The following NEO1 variants were observed in gnomAD, a reference collection of about 807,000 sequenced individuals.
The protein encoded by NEO1 is neogenin.
Under a neutral mutation model 159.7 loss-of-function variants are expected in NEO1, and 63 were observed. The observed-to-expected ratio is 0.39, with a 90% CI of 0.32 to 0.49. The LOEUF (loss-of-function observed/expected upper bound fraction) is 0.49. NEO1 is among the 20% of genes least tolerant of loss of function. The probability of loss-of-function intolerance (pLI) is 0.85; values close to 1 mark genes in which losing one functional copy is unlikely to be tolerated. For synonymous variants in NEO1, 633 were observed against 662.0 expected (o/e 0.96, Z 0.67); for missense variants, 1,615 against 1,831.0 (o/e 0.88, Z 2.15).
chr15:73,068,355 G>A (rs1050295587), intron 1 of NEO1, among the ~76,000 whole-genome samples: 2 of 151,830 alleles, frequency 1.3e-5, no homozygotes, highest in East Asian at 3.9e-4. Flanking sequence ...GGGATTACAG[G>A]TGTGCACAAC....
At chr15:73,070,657 C>G (rs1272031705) in intron 1 of NEO1, among the ~76,000 whole-genome samples, 1 of 152,132 alleles carries the variant, frequency 6.6e-6, no homozygotes, top group Admixed American at 6.5e-5. Context: ...AATCTATATA[C>G]CAGTTTTTTT....
intron 5 of NEO1, among the ~76,000 whole-genome samples, chr15:73,165,729 G>A (rs1454340787): frequency 1.3e-5 from 2 of 152,208 alleles, no homozygotes; most frequent in Non-Finnish European, 2.9e-5. Context: ...GCTCTCCACA[G>A]CAGAGAGAGG....
rs141211438 is a variant in NEO1 at position 73,127,808 on chromosome 15, G to T, written c.878+1238G>T. Among the ~76,000 whole-genome samples, 443 of 152,276 alleles carry T rather than the reference G, an allele frequency of 2.9e-3. 2 individuals are homozygous for T. Among genetic ancestry groups the T allele is most frequent in the African/African-American group, 0.01 (420 of 41,536 alleles). The stretch of plus-strand genomic sequence containing the variant: ...GTTTAGTGGGAAACATTTTAACACA[G>T]CTTTAGCTTGTACATTTATTTTAAA... On this transcript the variant is annotated intron_variant, in intron 4 of 28. Coordinates refer to ENST00000261908, the MANE Select transcript of NEO1 (RefSeq NM_002499.4).
chr15:73,279,350 G>GTTTT (rs1567679061), intron 22 of NEO1, among the ~76,000 whole-genome samples: 4 of 58,138 alleles, frequency 6.9e-5, no homozygotes, highest in Admixed American at 2.6e-4. Flanking sequence ...TTTTGGTTTT[G>GTTTT]GTTTTTTTTT....
At chr15:73,258,238 G>C (rs934993901) in intron 13 of NEO1, among the ~76,000 whole-genome samples, 1 of 152,160 alleles carries the variant, frequency 6.6e-6, no homozygotes, top group Admixed American at 6.5e-5. Context: ...TGAGCAATTG[G>C]TTGTTAAGGA....
At chr15:73,094,700 T>C (rs1036780707) in intron 1 of NEO1, among the ~76,000 whole-genome samples, 5 of 152,254 alleles carry the variant, frequency 3.3e-5, no homozygotes, top group East Asian at 1.9e-4. Context: ...ATGGTTGGGA[T>C]ATTGCTGGTT....
intron 13 of NEO1, among the ~76,000 whole-genome samples, chr15:73,256,967 A>T (rs1055010625): frequency 6.6e-6 from 1 of 151,664 alleles, no homozygotes; most frequent in South Asian, 2.1e-4. Context: ...AGGCTGAAAA[A>T]AAAAAAGTAT....
chr15:73,148,854 GTT>G (rs558373137), intron 5 of NEO1, among the ~76,000 whole-genome samples: 2 of 141,208 alleles, frequency 1.4e-5, no homozygotes, highest in Admixed American at 7.2e-5. Flanking sequence ...TTTCAAACTT[GTT>G]TTTTTTTTTT....
chr15:73,258,953 G>A, intron 14 of NEO1, 77 bp downstream of exon 14: 1 of 1,241,980 alleles, frequency 8.1e-7, no homozygotes, highest in African/African-American at 1.5e-5. Flanking sequence ...GAAAGCCACA[G>A]ACTTGGGGTG....
intron 16 of NEO1, among the ~76,000 whole-genome samples, chr15:73,266,775 A>G (rs1262568800): frequency 1.3e-5 from 2 of 152,234 alleles, no homozygotes; most frequent in South Asian, 2.1e-4. Flanking sequence ...GACGGTGGCA[A>G]TAAATGCATG....
intron 3 of NEO1, among the ~76,000 whole-genome samples, chr15:73,125,070 A>G (rs1415819860): frequency 3.3e-5 from 5 of 152,212 alleles, no homozygotes; most frequent in African/African-American, 9.7e-5. Context: ...CAAAATCTGA[A>G]TCCAAGAAAA....
Position 73,289,243 on chromosome 15 carries a change from G to A in NEO1, c.3742+5G>A. ...TTGACTCCCAGCCACCCCAGCGTAA[G>A]TAGAAGCATCTCTTTTCCTCAGTGC... On this transcript the variant is annotated splice_donor_5th_base_variant and intron_variant, in intron 25 of 28. Coordinates refer to ENST00000261908, the MANE Select transcript of NEO1 (RefSeq NM_002499.4). The A allele has an allele frequency of 6.2e-7, 1 of 1,613,484 alleles. No individual in the cohort carries two copies. Among genetic ancestry groups the A allele is most frequent in the Non-Finnish European group, 8.5e-7 (1 of 1,179,486 alleles).
At chr15:73,158,177 T>A (rs899536505) in intron 5 of NEO1, among the ~76,000 whole-genome samples, 5 of 146,098 alleles carry the variant, frequency 3.4e-5, no homozygotes, top group African/African-American at 1.2e-4. Flanking sequence ...ATCGTCCTGC[T>A]GCACTCCAGC....
intron 1 of NEO1, among the ~76,000 whole-genome samples, chr15:73,090,280 C>T (rs1342580956): frequency 3.3e-5 from 5 of 151,998 alleles, no homozygotes; most frequent in East Asian, 3.8e-4. Context: ...CTGTGGCCTC[C>T]GTCTCCTGGG....
rs188678850 is a variant in NEO1 at position 73,122,846 on chromosome 15, G to A, written c.724+46G>A. ...CTGATGGTTTTATGTTTATGAATGG[G>A]TAAACATTGTTCTGTTAGAATTTTT... On this transcript the variant is annotated intron_variant, in intron 3 of 28. Coordinates refer to ENST00000261908, the MANE Select transcript of NEO1 (RefSeq NM_002499.4). 7.7e-5 allele frequency: 122 copies of A among 1,591,308 alleles called. 2 individuals carry two copies. The East Asian group carries it at 2.6e-3, about 34-fold the overall frequency.
chr15:73,289,017 T>C (rs769132187), intron 24 of NEO1, 129 bp from the exon 25 acceptor site: 1 of 676,974 alleles, frequency 1.5e-6, no homozygotes, highest in Admixed American at 2.5e-5. Context: ...TTTCACTTCT[T>C]ACAGAAATGT....
At chr15:73,132,573 G>T (rs2151726031) in intron 4 of NEO1, among the ~76,000 whole-genome samples, 1 of 152,242 alleles carries the variant, frequency 6.6e-6, no homozygotes, top group East Asian at 1.9e-4. Context: ...CACAGCAAAA[G>T]AAATAATCAG....
At chr15:73,252,351 G>T (rs1226969124) in intron 11 of NEO1, among the ~76,000 whole-genome samples, 2 of 152,204 alleles carry the variant, frequency 1.3e-5, no homozygotes, top group East Asian at 3.9e-4. Flanking sequence ...TAGAGAATGT[G>T]TGGGCCACAC....
At chr15:73,101,437 A>G (rs939145825) in intron 1 of NEO1, among the ~76,000 whole-genome samples, 1 of 151,330 alleles carries the variant, frequency 6.6e-6, no homozygotes, top group African/African-American at 2.4e-5. Flanking sequence ...TCTCTTTCCC[A>G]CTCTCTCTCT....
Sources: allele counts gnomAD v4.1 joint callset (sites outside exome capture counted in the v4.1 genomes callset), GRCh38; gene constraint gnomAD v4.1.1; transcripts MANE v1.5; gene names NCBI Gene and HGNC (gene_info 2026-07-23, HGNC 2026-07-21).